The following MARCHF1 variants were observed in gnomAD, a reference collection of about 807,000 sequenced individuals.
The protein encoded by MARCHF1 is E3 ubiquitin-protein ligase MARCHF1.
A neutral mutation model predicts 54.2 loss-of-function variants in MARCHF1; 40 were observed. That is an observed-to-expected ratio of 0.74 (90% CI 0.57 to 0.96). The LOEUF is 0.96. MARCHF1 is among the 40% of genes least tolerant of loss of function. The pLI, the probability that MARCHF1 is intolerant of heterozygous loss-of-function variation, is 0.00. For missense variants in MARCHF1, 586 were observed against 656.5 expected, an observed-to-expected ratio of 0.89 and a Z score of 1.17; for synonymous variants, 236 against 236.3, an observed-to-expected ratio of 1.00 and a Z score of 0.01.
At chr4:163,810,390 T>C (rs151295837) in intron 4 of MARCHF1, among the ~76,000 whole-genome samples, 4 of 152,188 alleles carry the variant, frequency 2.6e-5, no homozygotes, top group African/African-American at 7.2e-5. Flanking sequence ...GATGTTTGTT[T>C]TTACCTTCTT....
chr4:163,835,348 G>A (rs1216637409), intron 4 of MARCHF1, among the ~76,000 whole-genome samples: 1 of 152,196 alleles, frequency 6.6e-6, no homozygotes, highest in Admixed American at 6.5e-5. Flanking sequence ...AGACAGATGA[G>A]TTTCAAATCA....
chr4:163,749,139 C>T (rs1387763144), intron 4 of MARCHF1, among the ~76,000 whole-genome samples: 6 of 151,620 alleles, frequency 4.0e-5, no homozygotes, highest in Non-Finnish European at 1.5e-5. Context: ...AAACTTATTC[C>T]TGAGAATTTT....
chr4:164,014,732 G>A (rs557488873), intron 2 of MARCHF1, among the ~76,000 whole-genome samples: 38 of 152,064 alleles, frequency 2.5e-4, no homozygotes, highest in Non-Finnish European at 5.0e-4. Context: ...AAAAAGAGCA[G>A]GAGTAGCTAT....
intron 4 of MARCHF1, among the ~76,000 whole-genome samples, chr4:163,826,559 A>C (rs1330263225): frequency 6.6e-6 from 1 of 152,104 alleles, no homozygotes; most frequent in Non-Finnish European, 1.5e-5. Context: ...TTGAGGCTCT[A>C]AACATGCGCT....
chr4:163,627,290 T>C (rs942765211), intron 5 of MARCHF1, among the ~76,000 whole-genome samples: 5 of 152,202 alleles, frequency 3.3e-5, no homozygotes. Context: ...TCCTAGTATT[T>C]TATTGAAGTC....
intron 5 of MARCHF1, among the ~76,000 whole-genome samples, chr4:163,644,581 C>T (rs1361219401): frequency 6.6e-6 from 1 of 152,136 alleles, no homozygotes; most frequent in African/African-American, 2.4e-5. Flanking sequence ...AAGCCCCAGA[C>T]CCCCTCTGCT....
chr4:164,149,476 TAGAC>T (rs1406787437), intron 1 of MARCHF1, among the ~76,000 whole-genome samples: 2 of 152,174 alleles, frequency 1.3e-5, no homozygotes, highest in Non-Finnish European at 2.9e-5. Context: ...AACCAGGGAA[TAGAC>T]AAAGCCTAGA....
intron 1 of MARCHF1, among the ~76,000 whole-genome samples, chr4:164,371,161 C>T (rs1275125410): frequency 1.3e-5 from 2 of 152,058 alleles, no homozygotes; most frequent in Non-Finnish European, 2.9e-5. Context: ...GTTAGCCTCA[C>T]AAATCAGTAG....
chr4:163,959,336 A>AC (rs1752294962), intron 3 of MARCHF1, among the ~76,000 whole-genome samples: 2 of 149,944 alleles, frequency 1.3e-5, no homozygotes, highest in Admixed American at 6.6e-5. Flanking sequence ...ACAACAAAAA[A>AC]AAAAAACAAC....
At chr4:163,668,100 A>C (rs145926132) in intron 5 of MARCHF1, among the ~76,000 whole-genome samples, 1 of 152,298 alleles carries the variant, frequency 6.6e-6, no homozygotes, top group East Asian at 1.9e-4. Flanking sequence ...TGTTTATTTG[A>C]CATCAACATA....
chr4:163,900,510 T>C lies in MARCHF1; in HGVS notation c.-38-46341A>G, dbSNP rs553766526. On this transcript the variant is annotated intron_variant, in intron 3 of 9. Transcript: ENST00000514618. ...TTCTGTAGTTGAGTTGGATAATAAGTCTAAGAAGGTAAATGGCAAAGAAAG... is the reference window on the plus strand; with the variant it reads ...TTCTGTAGTTGAGTTGGATAATAAGCCTAAGAAGGTAAATGGCAAAGAAAG... 3.2e-4 allele frequency among the ~76,000 whole-genome samples: 49 copies of C among 152,222 alleles called. No homozygotes were observed. The South Asian group carries it at 9.1e-3, about 28-fold the overall frequency.
At chr4:164,348,633 G>T (rs4383577) in intron 1 of MARCHF1, among the ~76,000 whole-genome samples, 1 of 151,876 alleles carries the variant, frequency 6.6e-6, no homozygotes, top group South Asian at 2.1e-4. Context: ...GTTAATATCA[G>T]TATCATTTCT....
chr4:164,036,174 G>T (rs1160336153), intron 2 of MARCHF1, among the ~76,000 whole-genome samples: 1 of 149,472 alleles, frequency 6.7e-6, no homozygotes, highest in Non-Finnish European at 1.5e-5. Context: ...GGAGTTGCTA[G>T]AAATGGGTGT....
chr4:163,733,244 CGTGTATATATATAT>C (rs1561047211), intron 4 of MARCHF1, among the ~76,000 whole-genome samples: 4 of 34,108 alleles, frequency 1.2e-4, no homozygotes, highest in African/African-American at 2.4e-4. Flanking sequence ...TATATATACA[CGTGTATATATATAT>C]ACACACACAC....
rs1730384795 is a variant in MARCHF1 at position 164,352,607 on chromosome 4, G to A, written c.-323+31263C>T. 2.0e-5 allele frequency among the ~76,000 whole-genome samples: 3 copies of A among 149,956 alleles called. No individual in the cohort carries two copies. The South Asian group carries it at 6.6e-4, about 33-fold the overall frequency. On this transcript the variant is annotated intron_variant, in intron 1 of 9. Transcript: ENST00000514618. ...GGCCTGCCCTAAAAGAGTTCCTGAA[G>A]GAAGCGCTAAACATGGAAAGGAACA...
intron 4 of MARCHF1, among the ~76,000 whole-genome samples, chr4:163,775,852 A>G (rs915054857): frequency 3.3e-5 from 5 of 152,154 alleles, no homozygotes; most frequent in Middle Eastern, 3.2e-3. Flanking sequence ...TGGATGGTCA[A>G]GAAGAGAGAG....
intron 1 of MARCHF1, among the ~76,000 whole-genome samples, chr4:164,144,084 A>G (rs1159173804): frequency 6.6e-6 from 1 of 152,098 alleles, no homozygotes; most frequent in Non-Finnish European, 1.5e-5. Flanking sequence ...AGGCCATTAC[A>G]TAATGGTAAA....
chr4:163,930,751 A>G (rs1190385161), intron 3 of MARCHF1, among the ~76,000 whole-genome samples: 1 of 152,102 alleles, frequency 6.6e-6, no homozygotes, highest in Admixed American at 6.6e-5. Flanking sequence ...TTTAGATGAT[A>G]TTTTTGATAA....
rs1009995717 is a variant in MARCHF1 at position 164,046,410 on chromosome 4, C to G, written c.-247-57701G>C. 2.6e-5 allele frequency among the ~76,000 whole-genome samples: 4 copies of G among 152,360 alleles called. No individual in the cohort carries two copies. The South Asian group carries it at 6.2e-4, about 24-fold the overall frequency. On this transcript the variant is annotated intron_variant, in intron 2 of 9. Coordinates refer to ENST00000514618, the MANE Select transcript of MARCHF1 (RefSeq NM_001394959.1). ...GTCTCCAATACATAATAGGTGCATA[C>G]TTCCAGCCTTTGATGAATTGATAAA...
Sources: allele counts gnomAD v4.1 joint callset (sites outside exome capture counted in the v4.1 genomes callset), GRCh38; gene constraint gnomAD v4.1.1; transcripts MANE v1.5; gene names NCBI Gene and HGNC (gene_info 2026-07-23, HGNC 2026-07-21).